SLC13A3: variants seen among roughly 807,000 people sequenced by gnomAD.
The protein encoded by SLC13A3 is solute carrier family 13 member 3.
Under a neutral mutation model 59.0 loss-of-function variants are expected in SLC13A3, and 40 were observed. That is an observed-to-expected ratio of 0.68 (90% confidence interval 0.53 to 0.88). The LOEUF is 0.88. Ranked by LOEUF, SLC13A3 falls within the 40% of genes least tolerant of loss-of-function variation. The probability of loss-of-function intolerance (pLI) is 0.00; values close to 1 mark genes in which losing one functional copy is unlikely to be tolerated. For missense variants in SLC13A3, 699 were observed against 783.2 expected, an observed-to-expected ratio of 0.89 and a Z score of 1.28; for synonymous variants, 317 against 330.3, an observed-to-expected ratio of 0.96 and a Z score of 0.44.
intron 10 of SLC13A3, among the ~76,000 whole-genome samples, chr20:46,567,979 A>G (rs2061994920): frequency 6.6e-6 from 1 of 152,186 alleles, no homozygotes; most frequent in Non-Finnish European, 1.5e-5. Flanking sequence ...AATCCAATGT[A>G]TTGCTACCAT....
At position 46,651,292 on chromosome 20, in the gene SLC13A3, C is replaced by G. The variant is rs1218645455; in HGVS notation, c.111+19G>C. The G allele has an allele frequency of 3.4e-6, 5 of 1,473,014 alleles. No homozygotes were observed. The highest frequency in any genetic ancestry group is 2.9e-5 in the African/African-American group (2 of 68,300). The allele number at this position is 1,473,014 out of a possible 1,614,324, so 91.2% of individuals were successfully genotyped here. ...CCGCCTGTGGTTGACCGGGGGCGCA[C>G]AGGCGGAGGAGGCGTTACCTTGGGC... On this transcript the variant is annotated intron_variant, in intron 1 of 12. Transcript: ENST00000279027.
intron 2 of SLC13A3, among the ~76,000 whole-genome samples, chr20:46,612,158 C>T: frequency 1.0e-5 from 1 of 99,242 alleles, no homozygotes; most frequent in Non-Finnish European, 1.8e-5. Context: ...GAGACAGGGT[C>T]TCACTGTTAC....
At chr20:46,659,720 C>CG (rs1454579752) in intron 1 of SLC13A3, among the ~76,000 whole-genome samples, 1 of 148,734 alleles carries the variant, frequency 6.7e-6, no homozygotes, top group African/African-American at 2.5e-5. Context: ...TATCCCCCCC[C>CG]CCCAAAAAAA....
chr20:46,613,147 C>T (rs564343937), intron 2 of SLC13A3, among the ~76,000 whole-genome samples: 1 of 151,838 alleles, frequency 6.6e-6, no homozygotes, highest in Middle Eastern at 3.4e-3. Context: ...AGTGTGGCCC[C>T]CTCCAAAACT....
intron 1 of SLC13A3, among the ~76,000 whole-genome samples, chr20:46,627,698 G>C (rs1356020977): frequency 6.6e-6 from 1 of 152,068 alleles, no homozygotes. Flanking sequence ...TAAGTGATTT[G>C]AATTGGTAGA....
intron 10 of SLC13A3, among the ~76,000 whole-genome samples, chr20:46,570,449 C>T (rs187983175): frequency 1.8e-4 from 28 of 152,326 alleles, no homozygotes; most frequent in African/African-American, 6.3e-4. Context: ...ACCTAACCTA[C>T]CTGTTCACAT....
At chr20:46,622,691 A>C (rs1051783129) in intron 1 of SLC13A3, among the ~76,000 whole-genome samples, 1 of 151,692 alleles carries the variant, frequency 6.6e-6, no homozygotes, top group East Asian at 1.9e-4. Context: ...GAATAGCAAC[A>C]AAGTTACAAA....
intron 1 of SLC13A3, among the ~76,000 whole-genome samples, chr20:46,640,793 G>A (rs994118715): frequency 6.6e-6 from 1 of 152,194 alleles, no homozygotes; most frequent in African/African-American, 2.4e-5. Flanking sequence ...TAGCTAGGGT[G>A]CTGACTTCGT....
At chr20:46,624,488 A>G (rs1351255288) in intron 1 of SLC13A3, among the ~76,000 whole-genome samples, 1 of 152,238 alleles carries the variant, frequency 6.6e-6, no homozygotes, top group African/African-American at 2.4e-5. Flanking sequence ...AGATGAAAGT[A>G]GTGGACAGCC....
intron 1 of SLC13A3, among the ~76,000 whole-genome samples, chr20:46,633,673 C>A (rs540019325): frequency 6.6e-6 from 1 of 152,220 alleles, no homozygotes; most frequent in African/African-American, 2.4e-5. Context: ...TTTGGCAATT[C>A]CCTTGTTAAA....
chr20:46,563,604 C>A, intron 11 of SLC13A3, 53 bp from the exon 12 acceptor site: 1 of 1,154,004 alleles, frequency 8.7e-7, no homozygotes, highest in Non-Finnish European at 1.2e-6. Flanking sequence ...GCAGAGCGAC[C>A]ACAGCAAGAG....
chr20:46,665,496 T>C (rs978424976), intron 1 of SLC13A3, among the ~76,000 whole-genome samples: 2 of 152,226 alleles, frequency 1.3e-5, no homozygotes, highest in African/African-American at 4.8e-5. Flanking sequence ...AATCATATAA[T>C]ATGTGGTCCT....
intron 3 of SLC13A3, chr20:46,608,828 G>T (rs2122735009): frequency 5.3e-6 from 8 of 1,504,720 alleles, no homozygotes; most frequent in South Asian, 1.3e-5. Context: ...ATGATCCAAA[G>T]CCACAGGGGC....
At chr20:46,683,391 C>T (rs2063163144) in intron 1 of SLC13A3, among the ~76,000 whole-genome samples, 1 of 152,178 alleles carries the variant, frequency 6.6e-6, no homozygotes, top group Non-Finnish European at 1.5e-5. Flanking sequence ...TCCATCTTCC[C>T]TTTTCTTTTA....
chr20:46,668,422 T>C (rs1432151574), intron 1 of SLC13A3, among the ~76,000 whole-genome samples: 1 of 152,214 alleles, frequency 6.6e-6, no homozygotes, highest in Non-Finnish European at 1.5e-5. Flanking sequence ...AGCCACAACA[T>C]TCCCAAGCCA....
Position 46,613,713 on chromosome 20 carries a change from A to G in SLC13A3, c.124T>C (p.Leu42=). 6.2e-7 allele frequency: 1 copy of G among 1,600,290 alleles called. No individual in the cohort carries two copies. The highest frequency in any genetic ancestry group is 1.3e-5 in the African/African-American group (1 of 74,624). The part of the protein sequence containing the change: ...FALPPKEGRC[L]FVILLMAVYW... The stretch of plus-strand genomic sequence containing the variant: ...ACCGCCATGAGCAGGATGACAAACA[A>G]GCAGCGGCCTTCCTGCAGGAGGAGA... Residue 42 remains leucine, a synonymous_variant, in exon 2 of 13, where the codon TTG becomes CTG. Transcript: ENST00000279027.
At chr20:46,563,631 A>AGAGAGAGAGG in intron 11 of SLC13A3, 80 bp from the exon 12 acceptor site, 1 of 1,468,028 alleles carries the variant, frequency 6.8e-7, no homozygotes, top group Non-Finnish European at 9.2e-7. Flanking sequence ...AGAGAGAGAG[A>AGAGAGAGAGG]GGCAGTTGGA....
chr20:46,651,326 G>A lies in SLC13A3; in HGVS notation c.96C>T (p.Phe32=), dbSNP rs1314776094. Residue 32 remains phenylalanine (F), a synonymous_variant, in exon 1 of 13, where the codon TTC becomes TTT. Coordinates refer to ENST00000279027, the MANE Select transcript of SLC13A3 (RefSeq NM_022829.6). ...GAGGCGTTACCTTGGGCGGGAGGGC[G>A]AAGACCACCGGCAGCAGCGCGAGCG... The part of the protein sequence containing the change: ...FTPLALLPVV[F]ALPPKEGRCL... The A allele has an allele frequency of 1.1e-5, 16 of 1,513,448 alleles. No homozygotes were observed. The highest frequency in any genetic ancestry group is 1.4e-5 in the Non-Finnish European group (16 of 1,132,470). 93.8% of individuals were successfully genotyped at this position (1,513,448 alleles called of 1,614,324 possible).
chr20:46,681,494 G>GTTTC (rs144943910), intron 1 of SLC13A3, among the ~76,000 whole-genome samples: 2,123 of 149,544 alleles, frequency 0.014, 44 homozygotes, highest in African/African-American at 0.051. Flanking sequence ...GTGAAGGGAG[G>GTTTC]TTTACCTGTT....
Sources: gnomAD v4.1 joint callset for allele counts (sites outside exome capture counted in the v4.1 genomes callset) on GRCh38, gnomAD v4.1.1 for gene constraint, MANE v1.5 for transcripts, NCBI Gene and HGNC (gene_info 2026-07-23, HGNC 2026-07-21) for gene names.